Variants in DIS3L2 observed in about 807,000 individuals in gnomAD.
DIS3L2 encodes DIS3-like exonuclease 2.
DIS3L2 carries 34 observed loss-of-function variants against 97.5 expected under a neutral mutation model. The ratio of observed to expected loss-of-function variants is 0.35; its 90% CI spans 0.27 to 0.46. The LOEUF (loss-of-function observed/expected upper bound fraction) is 0.46. Ranked by LOEUF, DIS3L2 falls within the 20% of genes least tolerant of loss-of-function variation. The pLI is 1.00. For synonymous variants in DIS3L2, 435 were observed against 445.2 expected (o/e 0.98, Z 0.29); for missense variants, 1,038 against 1,146.0 (o/e 0.91, Z 1.36).
intron 13 of DIS3L2, among the ~76,000 whole-genome samples, chr2:232,280,559 A>G (rs3116224): frequency 0.14 from 20,577 of 152,266 alleles, 1,952 homozygotes; most frequent in South Asian, 0.36. Context: ...ATTATAGTCA[A>G]CAAGGCAGCT....
chr2:232,198,222 G>T (rs751445466), intron 9 of DIS3L2, among the ~76,000 whole-genome samples: 58 of 151,990 alleles, frequency 3.8e-4, no homozygotes, highest in Non-Finnish European at 7.2e-4. Flanking sequence ...CCCCTTAAGG[G>T]CCATCTCTAG....
intron 1 of DIS3L2, among the ~76,000 whole-genome samples, chr2:231,981,598 T>TTATCTATATATATATA: frequency 1.2e-5 from 1 of 84,056 alleles, no homozygotes; most frequent in East Asian, 4.7e-4. Context: ...GTTAAGTATT[T>TTATCTATATATATATA]TATATATATA....
intron 9 of DIS3L2, among the ~76,000 whole-genome samples, chr2:232,186,989 A>G (rs1480005051): frequency 2.0e-5 from 3 of 152,202 alleles, no homozygotes; most frequent in African/African-American, 7.2e-5. Flanking sequence ...GGACACCATC[A>G]AGAAAGTGAA....
intron 6 of DIS3L2, among the ~76,000 whole-genome samples, chr2:232,088,479 G>A (rs1346741716): frequency 2.0e-5 from 3 of 151,170 alleles, no homozygotes; most frequent in South Asian, 4.2e-4. Context: ...GGAGAATGGC[G>A]TGAACCTGGG....
chr2:232,118,799 A>G (rs1697806258), intron 6 of DIS3L2, among the ~76,000 whole-genome samples: 1 of 152,228 alleles, frequency 6.6e-6, no homozygotes, highest in Admixed American at 6.5e-5. Context: ...TTAGAGCTGA[A>G]GCTTGTTACC....
At chr2:232,343,536 G>C (rs1162466206) in exon 14 of DIS3L2, 10 of 1,563,480 alleles carry the variant, frequency 6.4e-6, no homozygotes, top group Non-Finnish European at 8.7e-6. Flanking sequence ...CCCAAAACAC[G>C]ATAAGAGTAG....
chr2:232,277,118 T>A (rs1417317444), intron 13 of DIS3L2, among the ~76,000 whole-genome samples: 1 of 152,178 alleles, frequency 6.6e-6, no homozygotes, highest in African/African-American at 2.4e-5. Context: ...CATTGCCCCC[T>A]GCAGGGAAGC....
At chr2:232,254,045 A>G (rs1693488044) in intron 12 of DIS3L2, among the ~76,000 whole-genome samples, 1 of 152,180 alleles carries the variant, frequency 6.6e-6, no homozygotes, top group Non-Finnish European at 1.5e-5. Flanking sequence ...TACATATTTT[A>G]GTATGAAGCT....
chr2:232,334,628 C>A lies in DIS3L2; in HGVS notation c.2290-3C>A. 1 of 1,606,064 alleles carries A rather than the reference C, an allele frequency of 6.2e-7. No individual in the cohort carries two copies. Among genetic ancestry groups the A allele is most frequent in the African/African-American group, 1.3e-5 (1 of 74,772 alleles). On this transcript the variant is annotated splice_polypyrimidine_tract_variant and splice_region_variant and intron_variant, in intron 18 of 20. Coordinates refer to ENST00000325385, the MANE Select transcript of DIS3L2 (RefSeq NM_152383.5). ...TGCCATGGCTGCAGCACTGTCCCTGCAGGAGAGTGGCCCCCTGGAGTCAGA... is the reference window on the plus strand; with the variant it reads ...TGCCATGGCTGCAGCACTGTCCCTGAAGGAGAGTGGCCCCCTGGAGTCAGA...
At chr2:232,025,410 A>G (rs1287513810) in intron 4 of DIS3L2, among the ~76,000 whole-genome samples, 1 of 152,140 alleles carries the variant, frequency 6.6e-6, no homozygotes, top group East Asian at 1.9e-4. Context: ...CTTATGACCT[A>G]TTCTCAAGCT....
intron 6 of DIS3L2, among the ~76,000 whole-genome samples, chr2:232,088,465 G>A (rs1696734818): frequency 1.3e-5 from 2 of 151,464 alleles, no homozygotes; most frequent in South Asian, 4.2e-4. Flanking sequence ...GGGAGGCTGA[G>A]GCAGGAGAAT....
chr2:232,107,670 G>A (rs986533586), intron 6 of DIS3L2, among the ~76,000 whole-genome samples: 5 of 152,204 alleles, frequency 3.3e-5, no homozygotes, highest in Non-Finnish European at 7.3e-5. Context: ...CTGCACTCCA[G>A]CCTGGGCAGG....
At chr2:232,279,365 A>T (rs1238355777) in intron 13 of DIS3L2, among the ~76,000 whole-genome samples, 1 of 152,236 alleles carries the variant, frequency 6.6e-6, no homozygotes, top group African/African-American at 2.4e-5. Flanking sequence ...TTCCCTAATG[A>T]CAAATTCTGT....
At chr2:232,065,570 TTATC>T (rs1004066690) in intron 5 of DIS3L2, among the ~76,000 whole-genome samples, 1 of 151,682 alleles carries the variant, frequency 6.6e-6, no homozygotes, top group African/African-American at 2.4e-5. Context: ...ATTAATCTAT[TTATC>T]TATCCTTCCT....
intron 12 of DIS3L2, among the ~76,000 whole-genome samples, chr2:232,257,236 G>A (rs1206390141): frequency 1.3e-5 from 2 of 152,202 alleles, no homozygotes; most frequent in Non-Finnish European, 1.5e-5. Flanking sequence ...ACTGGGGCTT[G>A]TGGAGTAGCC....
At chr2:232,114,986 A>AT (rs1041515082) in intron 6 of DIS3L2, among the ~76,000 whole-genome samples, 7 of 152,180 alleles carry the variant, frequency 4.6e-5, no homozygotes, top group African/African-American at 1.7e-4. Context: ...AGAGCATCAC[A>AT]TGCAGAGGGA....
rs1423617886 is a variant in DIS3L2, at chr2:232,269,381, T to C, written c.1659+5941T>C. Among the ~76,000 whole-genome samples, 1 of 152,244 alleles carries C rather than the reference T, an allele frequency of 6.6e-6. No individual in the cohort carries two copies. Among genetic ancestry groups the C allele is most frequent in the Non-Finnish European group, 1.5e-5 (1 of 68,038 alleles). On this transcript the variant is annotated intron_variant, in intron 13 of 20. Coordinates refer to ENST00000325385, the MANE Select transcript of DIS3L2 (RefSeq NM_152383.5). The surrounding 1 kb of genome is among the most constrained non-coding windows in gnomAD (Gnocchi z 4.5). ...CCTGTCTGGCTCTTCCTTGGTCTTA[T>C]TATTTATGTTGTCACTTAAACACAC...
intron 1 of DIS3L2, among the ~76,000 whole-genome samples, chr2:232,001,557 CTTTTTTT>C (rs57766848): frequency 0.019 from 1,171 of 62,024 alleles, 5 homozygotes; most frequent in Middle Eastern, 0.074. Flanking sequence ...TGCCATTTGT[CTTTTTTT>C]TTTTTTTTTT....
chr2:232,331,399 G>A (rs1232985407), intron 16 of DIS3L2, among the ~76,000 whole-genome samples: 3 of 152,314 alleles, frequency 2.0e-5, no homozygotes, highest in East Asian at 1.9e-4. Flanking sequence ...GTCCCACCCC[G>A]GCCCAGGGGC....
Sources: gnomAD v4.1 joint callset for allele counts (sites outside exome capture counted in the v4.1 genomes callset) on GRCh38, gnomAD v4.1.1 for gene constraint, Gnocchi (gnomAD v3.1) non-coding constraint, MANE v1.5 for transcripts, NCBI Gene and HGNC (gene_info 2026-07-23, HGNC 2026-07-21) for gene names.